The following STPG2 variants were observed in gnomAD, a reference collection of about 807,000 sequenced individuals.
The protein encoded by STPG2 is sperm-tail PG-rich repeat-containing protein 2.
A neutral mutation model predicts 54.2 loss-of-function variants in STPG2; 56 were observed. That is an observed-to-expected ratio of 1.03 (90% CI 0.83 to 1.29). The LOEUF is 1.29. Among genes scored for constraint, STPG2 ranks in the 50% most tolerant of loss-of-function variants. The pLI is 0.00. For synonymous variants in STPG2, 200 were observed against 181.8 expected (o/e 1.10, Z -0.81); for missense variants, 596 against 544.9 (o/e 1.09, Z -0.93).
At chr4:97,919,993 A>T (rs373679263) in intron 8 of STPG2, among the ~76,000 whole-genome samples, 34 of 152,338 alleles carry the variant, frequency 2.2e-4, no homozygotes, top group African/African-American at 5.8e-4. Context: ...TTCAGAGGAA[A>T]AGAAATGTAA....
intron 9 of STPG2, among the ~76,000 whole-genome samples, chr4:97,713,271 T>A (rs964552280): frequency 5.3e-5 from 8 of 152,110 alleles, no homozygotes; most frequent in African/African-American, 1.9e-4. Context: ...CATGGAGCAA[T>A]CAAATGTAGT....
chr4:97,746,429 A>T lies in STPG2; in HGVS notation c.1205-33615T>A, dbSNP rs181017700. Among the ~76,000 whole-genome samples the T allele has an allele frequency of 4.2e-3, 635 of 151,372 alleles. 3 individuals are homozygous for T. The highest frequency in any genetic ancestry group is 0.024 in the South Asian group (116 of 4,826). On this transcript the variant is annotated intron_variant, in intron 9 of 10. Coordinates refer to ENST00000295268, the MANE Select transcript of STPG2 (RefSeq NM_174952.3). ...ACTCACAATGTGATTATCTGACTTA[A>T]CAGTTGAATGTCTCCAATAATTTCT...
At chr4:97,589,277 G>A (rs1264545071) in intron 10 of STPG2, among the ~76,000 whole-genome samples, 1 of 151,394 alleles carries the variant, frequency 6.6e-6, no homozygotes, top group East Asian at 1.9e-4. Context: ...CATTATATAT[G>A]TGTGTTGTTT....
chr4:97,985,771 A>C (rs1734808923), intron 5 of STPG2, among the ~76,000 whole-genome samples: 1 of 152,204 alleles, frequency 6.6e-6, no homozygotes, highest in Non-Finnish European at 1.5e-5. Flanking sequence ...TTCTAAAAAT[A>C]TATTTTAAAA....
chr4:97,948,258 T>C (rs1733325814), intron 7 of STPG2, among the ~76,000 whole-genome samples: 1 of 152,050 alleles, frequency 6.6e-6, no homozygotes, highest in Non-Finnish European at 1.5e-5. Context: ...GTGGTGTAGG[T>C]TGTAATGTCT....
chr4:97,548,043 G>A (rs1294222690), intron 4 of STPG2, among the ~76,000 whole-genome samples: 2 of 152,058 alleles, frequency 1.3e-5, no homozygotes, highest in Non-Finnish European at 2.9e-5. Flanking sequence ...CCAGCTACTC[G>A]GGAGGCTGAG....
chr4:98,021,583 T>C (rs1353727939), intron 5 of STPG2, among the ~76,000 whole-genome samples: 1 of 152,196 alleles, frequency 6.6e-6, no homozygotes, highest in African/African-American at 2.4e-5. Flanking sequence ...GTTAACTTTC[T>C]GTCTCATTGA....
intron 4 of STPG2, among the ~76,000 whole-genome samples, chr4:97,487,766 C>G (rs1730404129): frequency 6.6e-6 from 1 of 151,336 alleles, no homozygotes; most frequent in Non-Finnish European, 1.5e-5. Context: ...ATATTCAAAA[C>G]TGCACTATTC....
At chr4:97,737,461 G>A (rs527444636) in intron 9 of STPG2, among the ~76,000 whole-genome samples, 5 of 152,064 alleles carry the variant, frequency 3.3e-5, no homozygotes, top group Non-Finnish European at 5.9e-5. Flanking sequence ...TAAAAACTTT[G>A]AAAAAAATTT....
intron 2 of STPG2, among the ~76,000 whole-genome samples, chr4:98,133,547 T>C (rs551167248): frequency 5.3e-5 from 8 of 152,162 alleles, no homozygotes; most frequent in Admixed American, 1.3e-4. Flanking sequence ...GATCAGAATT[T>C]CTATGTTTAA....
chr4:97,955,151 A>G (rs948018496), intron 7 of STPG2, among the ~76,000 whole-genome samples: 1 of 152,302 alleles, frequency 6.6e-6, no homozygotes, highest in Non-Finnish European at 1.5e-5. Flanking sequence ...GAATTAAATT[A>G]TAACTCAGTA....
chr4:97,513,991 GCTTCAAAAACATGGTCTTTGGA>G (rs1215184040), intron 4 of STPG2, among the ~76,000 whole-genome samples: 1 of 152,068 alleles, frequency 6.6e-6, no homozygotes, highest in African/African-American at 2.4e-5. Flanking sequence ...CAGAAACAAT[GCTTCAAAAACATGGTCTTTGGA>G]TTTTGCATTT....
chr4:97,824,302 C>T (rs1453487337), intron 9 of STPG2, among the ~76,000 whole-genome samples: 2 of 152,112 alleles, frequency 1.3e-5, no homozygotes, highest in Non-Finnish European at 2.9e-5. Flanking sequence ...CTTTCTCTCT[C>T]TCTCATAAAC....
chr4:97,854,720 C>G (rs993910669), intron 8 of STPG2, among the ~76,000 whole-genome samples: 1 of 152,034 alleles, frequency 6.6e-6, no homozygotes, highest in Non-Finnish European at 1.5e-5. Context: ...AAGGCAGGTA[C>G]CAATTTTATT....
intron 9 of STPG2, among the ~76,000 whole-genome samples, chr4:97,799,226 C>G (rs4699319): frequency 6.6e-6 from 1 of 150,948 alleles, no homozygotes; most frequent in Non-Finnish European, 1.5e-5. Flanking sequence ...TCCTGTCATT[C>G]TGATGTTAGC....
chr4:97,724,235 A>G (rs1170155968), intron 9 of STPG2, among the ~76,000 whole-genome samples: 1 of 151,876 alleles, frequency 6.6e-6, no homozygotes, highest in Non-Finnish European at 1.5e-5. Context: ...ATATACCTTT[A>G]TTTTTACACA....
intron 6 of STPG2, among the ~76,000 whole-genome samples, chr4:97,979,132 C>T (rs1734586657): frequency 6.6e-6 from 1 of 152,008 alleles, no homozygotes; most frequent in Non-Finnish European, 1.5e-5. Flanking sequence ...ATAAGAAACT[C>T]AAAGGTTTTA....
Position 97,797,223 on chromosome 4 carries a change from T to C in STPG2, c.1204+43550A>G, listed in dbSNP as rs542616393. 3.3e-5 allele frequency among the ~76,000 whole-genome samples: 5 copies of C among 152,242 alleles called. No homozygotes were observed. The East Asian group carries it at 7.7e-4, about 24-fold the overall frequency. On this transcript the variant is annotated intron_variant, in intron 9 of 10. Coordinates refer to ENST00000295268, the MANE Select transcript of STPG2 (RefSeq NM_174952.3). The stretch of plus-strand genomic sequence containing the variant: ...GCCCTGGCCAGAACTTCCAACACTA[T>C]GTTGAATAGGAGTGGTGAGAGAGGG...
At chr4:97,864,232 T>C (rs563196011) in intron 8 of STPG2, among the ~76,000 whole-genome samples, 1 of 152,338 alleles carries the variant, frequency 6.6e-6, no homozygotes, top group South Asian at 2.1e-4. Flanking sequence ...CTTAAGCTGA[T>C]AAGCAACTTC....
Sources: gnomAD v4.1 joint callset for allele counts (sites outside exome capture counted in the v4.1 genomes callset) on GRCh38, gnomAD v4.1.1 for gene constraint, MANE v1.5 for transcripts, NCBI Gene and HGNC (gene_info 2026-07-23, HGNC 2026-07-21) for gene names.